NTAQ1: variants seen among roughly 807,000 people sequenced by gnomAD.
NTAQ1 encodes N-terminal glutamine amidase 1.
In NTAQ1, 21 loss-of-function variants were observed where a neutral mutation model predicts 28.2. That is an observed-to-expected ratio of 0.74 (90% confidence interval 0.53 to 1.07). The LOEUF (loss-of-function observed/expected upper bound fraction) is 1.07, where lower values mean the gene tolerates loss of function less well. Ranked by LOEUF, NTAQ1 falls within the 50% of genes least tolerant of loss-of-function variation. The pLI is 0.00. For missense variants in NTAQ1, 264 were observed against 256.6 expected, an observed-to-expected ratio of 1.03 and a Z score of -0.20; for synonymous variants, 105 against 90.0, an observed-to-expected ratio of 1.17 and a Z score of -0.94.
At chr8:123,469,559 C>T (rs2891752) in exon 7 of NTAQ1, among the ~76,000 whole-genome samples, 1 of 152,090 alleles carries the variant, frequency 6.6e-6, no homozygotes, top group Non-Finnish European at 1.5e-5. Flanking sequence ...CAGAATTCTT[C>T]TTTTATAAGA....
At chr8:123,465,401 G>A (rs1021871881) in intron 6 of NTAQ1, among the ~76,000 whole-genome samples, 1 of 151,994 alleles carries the variant, frequency 6.6e-6, no homozygotes, top group Non-Finnish European at 1.5e-5. Flanking sequence ...CGTCACTGCA[G>A]AGAAACTCCC....
At chr8:123,419,779 C>T (rs1004626985) in intron 1 of NTAQ1, among the ~76,000 whole-genome samples, 4 of 119,932 alleles carry the variant, frequency 3.3e-5, no homozygotes, top group Non-Finnish European at 5.2e-5. Flanking sequence ...TTTCTTCCCT[C>T]CCTCCCTCCC....
At chr8:123,436,385 T>C in intron 3 of NTAQ1, 68 bp from the exon 4 acceptor site, 1 of 1,497,902 alleles carries the variant, frequency 6.7e-7, no homozygotes, top group South Asian at 1.2e-5. Flanking sequence ...TGATAAGGTA[T>C]GTGTCTGAAT....
chr8:123,426,923 G>T (rs1360315289), intron 1 of NTAQ1, among the ~76,000 whole-genome samples: 3 of 152,128 alleles, frequency 2.0e-5, no homozygotes, highest in Non-Finnish European at 4.4e-5. Context: ...TCACACCACT[G>T]CACTCCATCC....
intron 3 of NTAQ1, among the ~76,000 whole-genome samples, chr8:123,433,782 C>T (rs879776887): frequency 6.6e-5 from 10 of 152,188 alleles, no homozygotes; most frequent in Admixed American, 6.5e-4. Context: ...ATCATTTACA[C>T]ACTAATGCTT....
At chr8:123,471,228 G>A (rs1816038194), downstream of NTAQ1, among the ~76,000 whole-genome samples, 1 of 151,944 alleles carries the variant, frequency 6.6e-6, no homozygotes, top group Non-Finnish European at 1.5e-5. Flanking sequence ...ACCATGCCTT[G>A]CCTCTGCTTC....
intron 6 of NTAQ1, among the ~76,000 whole-genome samples, chr8:123,455,744 C>G (rs570778982): frequency 6.6e-6 from 1 of 152,086 alleles, no homozygotes; most frequent in Non-Finnish European, 1.5e-5. Context: ...ATTTTAATAG[C>G]CAGACTCACT....
intron 1 of NTAQ1, among the ~76,000 whole-genome samples, chr8:123,418,518 A>G (rs2130113140): frequency 6.6e-6 from 1 of 152,308 alleles, no homozygotes; most frequent in East Asian, 1.9e-4. Flanking sequence ...ATACTATGAG[A>G]AAAATAAGAT....
At chr8:123,439,997 C>T (rs1429650042) in intron 5 of NTAQ1, among the ~76,000 whole-genome samples, 2 of 150,912 alleles carry the variant, frequency 1.3e-5, no homozygotes, top group African/African-American at 4.9e-5. Flanking sequence ...GTTTTAGATA[C>T]ATGCATTATT....
chr8:123,417,049 T>C, intron 1 of NTAQ1, 117 bp downstream of exon 1: 8 of 1,058,628 alleles, frequency 7.6e-6, no homozygotes, highest in Non-Finnish European at 1.0e-5. Context: ...TACCGGCGGG[T>C]TCTACAGTTT....
intron 2 of NTAQ1, among the ~76,000 whole-genome samples, chr8:123,428,360 C>A (rs1010124624): frequency 6.6e-6 from 1 of 151,976 alleles, no homozygotes; most frequent in African/African-American, 2.4e-5. Flanking sequence ...CCACGCCCAG[C>A]TAATTTTTGT....
chr8:123,459,175 C>T (rs890368905), intron 6 of NTAQ1, among the ~76,000 whole-genome samples: 6 of 150,592 alleles, frequency 4.0e-5, no homozygotes, highest in African/African-American at 1.5e-4. Flanking sequence ...GAGCCCAGGA[C>T]GTCGAGGCTG....
downstream of NTAQ1, among the ~76,000 whole-genome samples, chr8:123,450,926 C>T (rs1036600834): frequency 1.3e-5 from 2 of 152,232 alleles, no homozygotes; most frequent in African/African-American, 2.4e-5. Context: ...CAACAAACCA[C>T]CACCACTTTG....
chr8:123,419,081 G>GTTTTTTTTTTT (rs762479894), intron 1 of NTAQ1, among the ~76,000 whole-genome samples: 2 of 119,920 alleles, frequency 1.7e-5, no homozygotes, highest in African/African-American at 3.4e-5. Flanking sequence ...AGCTTTGGGG[G>GTTTTTTTTTTT]TTTTTTTTTT....
intron 2 of NTAQ1, among the ~76,000 whole-genome samples, chr8:123,429,510 T>C (rs1449225900): frequency 6.6e-6 from 1 of 152,086 alleles, no homozygotes; most frequent in East Asian, 1.9e-4. Context: ...AGTTCAAGGC[T>C]GCAGTATACT....
chr8:123,433,975 T>C (rs1373955047), intron 3 of NTAQ1, among the ~76,000 whole-genome samples: 2 of 151,968 alleles, frequency 1.3e-5, no homozygotes, highest in East Asian at 3.9e-4. Context: ...GTGTATTTTA[T>C]GTGTGGCCCA....
intron 1 of NTAQ1, among the ~76,000 whole-genome samples, chr8:123,419,388 C>T (rs1021522602): frequency 9.9e-5 from 15 of 152,086 alleles, no homozygotes; most frequent in Admixed American, 2.0e-4. Context: ...TGTGAGTCAC[C>T]GTGCCCGGCC....
At chr8:123,449,949 G>GTA (rs772958901), downstream of NTAQ1, among the ~76,000 whole-genome samples, 1 of 8,202 alleles carries the variant, frequency 1.2e-4, no homozygotes, top group Non-Finnish European at 3.9e-4. Context: ...GTGTGTGTGT[G>GTA]CATATATATA....
chr8:123,436,657 C>A, intron 4 of NTAQ1, 56 bp downstream of exon 4: 1 of 1,539,666 alleles, frequency 6.5e-7, no homozygotes. Context: ...TTGACGATTC[C>A]ACAGAGGTTC....
Sources: gnomAD v4.1 joint callset for allele counts (sites outside exome capture counted in the v4.1 genomes callset) on GRCh38, gnomAD v4.1.1 for gene constraint, MANE v1.5 for transcripts, NCBI Gene and HGNC (gene_info 2026-07-23, HGNC 2026-07-21) for gene names.